Variants in APC observed in about 807,000 individuals in gnomAD.
The protein encoded by APC is APC regulator of Wnt signaling pathway.
Under a neutral mutation model 247.0 loss-of-function variants are expected in APC, and 72 were observed. The ratio of observed to expected loss-of-function variants is 0.29; its 90% CI spans 0.24 to 0.35. The LOEUF (loss-of-function observed/expected upper bound fraction) is 0.35, where lower values mean the gene tolerates loss of function less well. Ranked by LOEUF, APC falls within the 10% of genes least tolerant of loss-of-function variation. The pLI is 1.00. For synonymous variants in APC, 1,254 were observed against 1,162.5 expected, an observed-to-expected ratio of 1.08 and a Z score of -1.60; for missense variants, 3,400 against 3,360.7, an observed-to-expected ratio of 1.01 and a Z score of -0.29.
At position 112,752,015 on chromosome 5, in the gene APC, T is replaced by C. The variant is rs76885576; in HGVS notation, c.-18-2858T>C. Among the ~76,000 whole-genome samples the C allele has an allele frequency of 0.066, 10,089 of 152,146 alleles. 687 individuals carry two copies. The highest frequency in any genetic ancestry group is 0.16 in the African/African-American group (6,643 of 41,510). ...CCCATATCTATTATGTTAAATGATA[T>C]AATTAATTTTCTAATAGTGACTTTT... On this transcript the variant is annotated intron_variant, in intron 1 of 15. Transcript: ENST00000257430.
chr5:112,829,992 T>G (rs985485833), intron 14 of APC: 10 of 152,190 alleles, frequency 6.6e-5, no homozygotes, highest in Admixed American at 1.3e-4. Flanking sequence ...GCAAGTTGTC[T>G]TAGCTAGTCT....
At chr5:112,737,837 C>T, upstream of APC, 1 of 985,540 alleles carries the variant, frequency 1.0e-6, no homozygotes, top group Non-Finnish European at 1.2e-6. Flanking sequence ...TGGGTGTGGG[C>T]GCACGTGACC....
chr5:112,736,943 A>G (rs1434249888), upstream of APC, among the ~76,000 whole-genome samples: 1 of 152,168 alleles, frequency 6.6e-6, no homozygotes, highest in African/African-American at 2.4e-5. Context: ...GAAGTATAGT[A>G]TCCTTTTAAA....
intron 4 of APC, among the ~76,000 whole-genome samples, chr5:112,772,263 A>T (rs185457081): frequency 6.6e-6 from 1 of 152,282 alleles, no homozygotes; most frequent in Non-Finnish European, 1.5e-5. Context: ...GCCTGTTCTG[A>T]GTCTAGCCTT....
chr5:112,724,555 G>T (rs1751667058), intron 1 of APC, among the ~76,000 whole-genome samples: 1 of 149,308 alleles, frequency 6.7e-6, no homozygotes, highest in Non-Finnish European at 1.5e-5. Context: ...GTAATCCCAA[G>T]TGTGTGGTAA....
rs553412826 is a variant in APC at position 112,802,032 on chromosome 5, T to G, written c.834+649T>G. Among the ~76,000 whole-genome samples the G allele has an allele frequency of 2.0e-5, 3 of 152,230 alleles. No homozygotes were observed. In the South Asian group the frequency reaches 6.2e-4, roughly 32 times the overall value. On this transcript the variant is annotated intron_variant, in intron 8 of 15. Transcript: ENST00000257430. ...CAGTGCAATAGGACAGAATTTTTCT[T>G]TAGGGTGTTCTGTATTCTCCAAATT... is the stretch of plus-strand genomic sequence containing the variant.
intron 6 of APC, among the ~76,000 whole-genome samples, chr5:112,790,851 T>G (rs1759501337): frequency 1.3e-5 from 2 of 152,244 alleles, no homozygotes; most frequent in African/African-American, 4.8e-5. Flanking sequence ...AATATTTTAT[T>G]GATGGAGAAC....
rs139974439 is a variant in APC at position 112,722,787 on chromosome 5, T to C, written c.165+14905T>C. Among the ~76,000 whole-genome samples, 559 of 152,268 alleles carry C rather than the reference T, an allele frequency of 3.7e-3. 4 individuals are homozygous for C. The highest frequency in any genetic ancestry group is 0.013 in the African/African-American group (537 of 41,534). On this transcript the variant is annotated intron_variant, in intron 1 of 13. Transcript: ENST00000507379. ...GCAGGGGCGCGGAGCTTCCATGCCT[T>C]CTCTGGGTGTACCAACCTCGAGGAA...
chr5:112,815,438 T>G, intron 8 of APC, 57 bp from the exon 9 acceptor site: 1 of 1,231,582 alleles, frequency 8.1e-7, no homozygotes, highest in Admixed American at 1.7e-5. Context: ...TAACATGATG[T>G]TATCTGTATT....
Position 112,782,888 on chromosome 5 carries a change from A to G in APC, c.645+1985A>G, listed in dbSNP as rs1019262372. The stretch of plus-strand genomic sequence containing the variant: ...ATATAACTGGCAAAGAACTAAAATC[A>G]AGAATATATAAATAACTTCTAAAAA... On this transcript the variant is annotated intron_variant, in intron 6 of 15. Coordinates refer to ENST00000257430, the MANE Select transcript of APC (RefSeq NM_000038.6). Among the ~76,000 whole-genome samples, 3 of 152,334 alleles carry G rather than the reference A, an allele frequency of 2.0e-5. No homozygotes were observed. The South Asian group carries it at 6.2e-4, about 32-fold the overall frequency.
chr5:112,767,004 C>A (rs994818127), intron 3 of APC, among the ~76,000 whole-genome samples, 185 bp from the exon 4 acceptor site: 1 of 152,168 alleles, frequency 6.6e-6, no homozygotes, highest in Non-Finnish European at 1.5e-5. Flanking sequence ...TTAACACACT[C>A]CTTATTTTTA....
intron 7 of APC, among the ~76,000 whole-genome samples, chr5:112,800,846 T>TTC (rs1486915503): frequency 6.6e-6 from 1 of 152,094 alleles, no homozygotes; most frequent in Non-Finnish European, 1.5e-5. Flanking sequence ...TATATATATA[T>TTC]ATTCTATGTG....
intron 6 of APC, among the ~76,000 whole-genome samples, chr5:112,791,573 AG>A (rs1282935653): frequency 6.6e-6 from 1 of 152,126 alleles, no homozygotes; most frequent in Non-Finnish European, 1.5e-5. Flanking sequence ...TGAGGACCTG[AG>A]GTGGAGCAGT....
rs545415565 is a variant in APC at position 112,783,224 on chromosome 5, C to G, written c.645+2321C>G. 2.0e-5 allele frequency among the ~76,000 whole-genome samples: 3 copies of G among 152,160 alleles called. 1 individual carries two copies. In the South Asian group the frequency reaches 6.2e-4, roughly 32 times the overall value. ...CCCTGAGGAGAGGTTAACTTGAGTT[C>G]TTTCTTGGCCATTTTGTTCACATAA... On this transcript the variant is annotated intron_variant, in intron 6 of 15. Transcript: ENST00000257430.
At chr5:112,723,503 A>G (rs1371280001) in intron 1 of APC, among the ~76,000 whole-genome samples, 2 of 151,998 alleles carry the variant, frequency 1.3e-5, no homozygotes, top group African/African-American at 4.8e-5. Flanking sequence ...GGATGAAAAC[A>G]TATATATATG....
intron 1 of APC, among the ~76,000 whole-genome samples, chr5:112,714,094 G>T (rs1000918137): frequency 6.6e-6 from 1 of 152,234 alleles, no homozygotes; most frequent in Non-Finnish European, 1.5e-5. Context: ...AAGCATATCT[G>T]TTGGAGCTAC....
At chr5:112,836,165 T>TTCCA (rs1554083526) in intron 15 of APC, among the ~76,000 whole-genome samples, 1 of 24,478 alleles carries the variant, frequency 4.1e-5, no homozygotes, top group Non-Finnish European at 8.5e-5. Context: ...GGATTACAGG[T>TTCCA]CCCCCCCCCC....
At chr5:112,820,638 G>A (rs1293976189) in intron 10 of APC, among the ~76,000 whole-genome samples, 3 of 152,234 alleles carry the variant, frequency 2.0e-5, no homozygotes, top group South Asian at 2.1e-4. Context: ...CCCACATTTT[G>A]TACTCCTGAT....
At position 112,800,168 on chromosome 5, in the gene APC, C is replaced by T. The variant is rs114615426; in HGVS notation, c.730-1111C>T. On this transcript the variant is annotated intron_variant, in intron 7 of 15. Transcript: ENST00000257430. ...CCCAGCATCTATTGCAAGTAACTAA[C>T]ATAGTAGATGGTCAGTAATTTTCTT... is the stretch of plus-strand genomic sequence containing the variant. 2.3e-3 allele frequency among the ~76,000 whole-genome samples: 346 copies of T among 152,260 alleles called. 2 individuals carry two copies. Among genetic ancestry groups the T allele is most frequent in the African/African-American group, 8.0e-3 (333 of 41,524 alleles).
Sources: gnomAD v4.1 joint callset for allele counts (sites outside exome capture counted in the v4.1 genomes callset) on GRCh38, gnomAD v4.1.1 for gene constraint, MANE v1.5 for transcripts, NCBI Gene and HGNC (gene_info 2026-07-23, HGNC 2026-07-21) for gene names.